The following MYRIP variants were observed in gnomAD, a reference collection of about 807,000 sequenced individuals.
The protein encoded by MYRIP is rab effector MyRIP.
Under a neutral mutation model 98.0 loss-of-function variants are expected in MYRIP, and 49 were observed. That is an observed-to-expected ratio of 0.50 (90% CI 0.40 to 0.63). The LOEUF (loss-of-function observed/expected upper bound fraction) is 0.63, where lower values mean the gene tolerates loss of function less well. Among genes scored for constraint, MYRIP ranks in the 30% least tolerant of loss-of-function variants. The pLI is 0.00. For synonymous variants in MYRIP, 404 were observed against 409.5 expected (o/e 0.99, Z 0.16); for missense variants, 1,004 against 1,058.2 (o/e 0.95, Z 0.71).
chr3:39,970,103 C>T (rs187446668), intron 2 of MYRIP: 15 of 151,584 alleles, frequency 9.9e-5, no homozygotes, highest in East Asian at 1.9e-4. Context: ...TTTGTGTGTT[C>T]GTTACTCTTA....
intron 1 of MYRIP, among the ~76,000 whole-genome samples, chr3:39,871,905 A>G (rs1942800613): frequency 6.6e-6 from 1 of 152,024 alleles, no homozygotes; most frequent in African/African-American, 2.4e-5. Context: ...TGTATGCTAT[A>G]ATATATATAA....
At chr3:40,077,566 A>G (rs1236785016) in intron 3 of MYRIP, among the ~76,000 whole-genome samples, 2 of 152,202 alleles carry the variant, frequency 1.3e-5, no homozygotes, top group African/African-American at 2.4e-5. Flanking sequence ...CAGAGTGTCA[A>G]TTGGTGCATT....
At chr3:40,120,660 G>A (rs1299689675) in intron 3 of MYRIP, among the ~76,000 whole-genome samples, 2 of 152,176 alleles carry the variant, frequency 1.3e-5, no homozygotes, top group East Asian at 3.9e-4. Context: ...GCTGTTCTTT[G>A]CTATCTCAGT....
chr3:39,968,788 A>G (rs890454094), intron 2 of MYRIP, among the ~76,000 whole-genome samples: 1 of 152,112 alleles, frequency 6.6e-6, no homozygotes, highest in African/African-American at 2.4e-5. Context: ...TTTGCTTAGG[A>G]TTGCCCTGGC....
intron 2 of MYRIP, among the ~76,000 whole-genome samples, chr3:40,019,649 A>T (rs1469522844): frequency 6.6e-6 from 1 of 152,178 alleles, no homozygotes. Context: ...AGGAGCTTAA[A>T]GTCTTGGATG....
intron 2 of MYRIP, among the ~76,000 whole-genome samples, chr3:40,002,346 C>A (rs760158836): frequency 2.6e-5 from 4 of 152,060 alleles, no homozygotes; most frequent in Non-Finnish European, 1.5e-5. Context: ...ACCAGCCTGG[C>A]CAACATGGTG....
At chr3:40,074,635 A>G (rs552677382) in intron 3 of MYRIP, among the ~76,000 whole-genome samples, 50 of 152,280 alleles carry the variant, frequency 3.3e-4, no homozygotes, top group African/African-American at 1.1e-3. Flanking sequence ...AAAAGATGAA[A>G]GCAGAAATTA....
chr3:40,083,794 CTG>C (rs1948533517), intron 3 of MYRIP, among the ~76,000 whole-genome samples: 2 of 152,152 alleles, frequency 1.3e-5, no homozygotes, highest in South Asian at 2.1e-4. Context: ...GCATGGTCAA[CTG>C]TGAATTCCTT....
At chr3:40,158,250 T>C (rs1392922162) in intron 4 of MYRIP, among the ~76,000 whole-genome samples, 1 of 152,246 alleles carries the variant, frequency 6.6e-6, no homozygotes, top group Non-Finnish European at 1.5e-5. Flanking sequence ...TATTTCGTTA[T>C]GTACCCAGTA....
At chr3:39,948,149 A>G (rs887293606) in intron 2 of MYRIP, among the ~76,000 whole-genome samples, 3 of 152,194 alleles carry the variant, frequency 2.0e-5, no homozygotes, top group South Asian at 4.1e-4. Context: ...GTGATACATC[A>G]TCTGAATAAA....
At chr3:40,204,274 G>A (rs71331112) in intron 10 of MYRIP, among the ~76,000 whole-genome samples, 7,668 of 119,710 alleles carry the variant, frequency 0.064, 452 homozygotes, top group African/African-American at 0.14. Flanking sequence ...CTGTCACCCA[G>A]GCTGGAGTGC....
chr3:40,058,965 G>C (rs985642424), intron 3 of MYRIP, among the ~76,000 whole-genome samples: 3 of 145,604 alleles, frequency 2.1e-5, no homozygotes, highest in Non-Finnish European at 4.5e-5. Flanking sequence ...CCCGGTGTGT[G>C]ATGTTCCCCT....
chr3:40,192,811 G>A (rs1254667477), intron 10 of MYRIP, among the ~76,000 whole-genome samples: 1 of 152,156 alleles, frequency 6.6e-6, no homozygotes, highest in East Asian at 1.9e-4. Context: ...GTGAAAACAG[G>A]GCTTTTCTTG....
chr3:40,025,826 G>T (rs1947113324), intron 2 of MYRIP, among the ~76,000 whole-genome samples: 1 of 152,062 alleles, frequency 6.6e-6, no homozygotes, highest in South Asian at 2.1e-4. Flanking sequence ...ATGCTTCAAA[G>T]GGCAAAAGGG....
chr3:39,834,755 G>A (rs768847420), intron 1 of MYRIP, among the ~76,000 whole-genome samples: 3 of 152,120 alleles, frequency 2.0e-5, no homozygotes, highest in African/African-American at 7.2e-5. Context: ...GGTAATTGCT[G>A]TTAAAGTTTA....
chr3:39,824,662 G>A (rs1941211644), intron 1 of MYRIP, among the ~76,000 whole-genome samples: 1 of 151,154 alleles, frequency 6.6e-6, no homozygotes, highest in African/African-American at 2.4e-5. Context: ...TTCTTTTTCA[G>A]ATAGTTGATT....
At chr3:40,038,875 A>G (rs13318252) in intron 2 of MYRIP, among the ~76,000 whole-genome samples, 3 of 152,060 alleles carry the variant, frequency 2.0e-5, no homozygotes, top group African/African-American at 7.2e-5. Flanking sequence ...TTTACCAGTT[A>G]GGTCGCAGCT....
intron 1 of MYRIP, among the ~76,000 whole-genome samples, chr3:39,895,272 C>T (rs1195502823): frequency 1.3e-5 from 2 of 151,462 alleles, no homozygotes; most frequent in Non-Finnish European, 2.9e-5. Flanking sequence ...CTGCAACCTT[C>T]GCCTCCCGGG....
At chr3:39,958,931 C>T (rs564711732) in intron 2 of MYRIP, among the ~76,000 whole-genome samples, 1 of 152,192 alleles carries the variant, frequency 6.6e-6, no homozygotes, top group South Asian at 2.1e-4. Context: ...AAAAAATGCT[C>T]ATCATCACTG....
Sources: gnomAD v4.1 joint callset for allele counts (sites outside exome capture counted in the v4.1 genomes callset) on GRCh38, gnomAD v4.1.1 for gene constraint, MANE v1.5 for transcripts, NCBI Gene and HGNC (gene_info 2026-07-23, HGNC 2026-07-21) for gene names.